Variants in CMTR1 observed in about 807,000 individuals in gnomAD.
The protein encoded by CMTR1 is cap-specific mRNA (nucleoside-2'-O-)-methyltransferase 1.
CMTR1 carries 39 observed loss-of-function variants against 107.0 expected under a neutral mutation model. The ratio of observed to expected loss-of-function variants is 0.36; its 90% CI spans 0.28 to 0.48. The LOEUF (loss-of-function observed/expected upper bound fraction) is 0.48. CMTR1 is among the 20% of genes least tolerant of loss of function. The probability of loss-of-function intolerance (pLI) is 0.99; values close to 1 mark genes in which losing one functional copy is unlikely to be tolerated. For missense variants in CMTR1, 672 were observed against 1,064.9 expected, an observed-to-expected ratio of 0.63 and a Z score of 5.14; for synonymous variants, 366 against 379.5, an observed-to-expected ratio of 0.96 and a Z score of 0.41.
At chr6:37,479,083 C>A in intron 22 of CMTR1, 64 bp from the exon 23 acceptor site, 1 of 1,140,260 alleles carries the variant, frequency 8.8e-7, no homozygotes, top group Non-Finnish European at 1.3e-6. Flanking sequence ...GAGGAAGGTA[C>A]ACGCCTGTCC....
At chr6:37,465,429 TGTG>T (rs1315675824) in intron 13 of CMTR1, among the ~76,000 whole-genome samples, 3 of 152,238 alleles carry the variant, frequency 2.0e-5, no homozygotes, top group South Asian at 4.1e-4. Flanking sequence ...GTTACATCAT[TGTG>T]GTTTCAATAT....
chr6:37,479,084 A>G, intron 22 of CMTR1, 63 bp from the exon 23 acceptor site: 1 of 1,152,382 alleles, frequency 8.7e-7, no homozygotes, highest in Non-Finnish European at 1.3e-6. Flanking sequence ...AGGAAGGTAC[A>G]CGCCTGTCCT....
At chr6:37,456,607 A>G (rs1761300881) in intron 8 of CMTR1, among the ~76,000 whole-genome samples, 1 of 152,186 alleles carries the variant, frequency 6.6e-6, no homozygotes, top group Non-Finnish European at 1.5e-5. Flanking sequence ...ATCGTTATCT[A>G]GCAGCTGCAG....
In CMTR1 at chr6:37,436,056, G is replaced by A. The variant is rs190147898; in HGVS notation, c.133+294G>A. On this transcript the variant is annotated intron_variant, in intron 2 of 23. Coordinates refer to ENST00000373451, the MANE Select transcript of CMTR1 (RefSeq NM_015050.3). ...CCTTAAACCAGTTAGAAGTAGTGGT[G>A]AGCATTGAGTGCTGTGTGCCCTTAA... Among the ~76,000 whole-genome samples the A allele has an allele frequency of 1.2e-3, 181 of 152,348 alleles. 1 individual carries two copies. The highest frequency in any genetic ancestry group is 6.8e-3 in the Middle Eastern group (2 of 294).
intron 2 of CMTR1, among the ~76,000 whole-genome samples, chr6:37,437,009 A>G (rs1771543089): frequency 6.6e-6 from 1 of 152,190 alleles, no homozygotes. Flanking sequence ...AAGCTGGTCC[A>G]GAGAGAAGCT....
rs750364474 is a variant in CMTR1 at position 37,471,878 on chromosome 6, C to T, written c.1594C>T (p.Arg532Trp). ...GAGTGAGCCTCGACAGGCAGAGATA[C>T]GGAAGGAGTGCCTCCGACTCTGGGG... Reference protein sequence around the residue: ...TLSEPRQAEIRKECLRLWGIP... With the variant: ...TLSEPRQAEIWKECLRLWGIP... The change falls in exon 15 of 24, where the codon CGG (arginine) becomes TGG (tryptophan). Residue 532 changes from arginine (R) to tryptophan (W), a missense_variant. This residue lies in a region of CMTR1 where 583 missense variants were observed against 968.4 expected (regional missense o/e 0.60). Transcript: ENST00000373451. 24 of 1,613,638 alleles carry T rather than the reference C, an allele frequency of 1.5e-5. No homozygotes were observed. Among genetic ancestry groups the T allele is most frequent in the Non-Finnish European group, 1.8e-5 (21 of 1,179,958 alleles).
At chr6:37,446,678 G>A (rs1489536662) in intron 4 of CMTR1, among the ~76,000 whole-genome samples, 2 of 152,222 alleles carry the variant, frequency 1.3e-5, no homozygotes, top group African/African-American at 2.4e-5. Context: ...TAAGACCAAC[G>A]GGTAGAAGAT....
At chr6:37,460,856 T>C (rs58997791) in intron 10 of CMTR1, among the ~76,000 whole-genome samples, 1 of 152,220 alleles carries the variant, frequency 6.6e-6, no homozygotes, top group Non-Finnish European at 1.5e-5. Flanking sequence ...CTGTGCCACC[T>C]GATGTCCCCT....
intron 13 of CMTR1, 99 bp downstream of exon 13, chr6:37,463,107 C>A: frequency 7.8e-7 from 1 of 1,289,300 alleles, no homozygotes; most frequent in Non-Finnish European, 1.1e-6. Flanking sequence ...ACTTTGTCAA[C>A]CCTGACAAAT....
intron 2 of CMTR1, among the ~76,000 whole-genome samples, chr6:37,442,706 A>G (rs1225231526): frequency 1.3e-5 from 2 of 152,154 alleles, no homozygotes; most frequent in Non-Finnish European, 2.9e-5. Flanking sequence ...TTGAATGTCA[A>G]CCCTTAGCAG....
intron 1 of CMTR1, among the ~76,000 whole-genome samples, chr6:37,435,026 C>T (rs1771496024): frequency 6.6e-6 from 1 of 152,188 alleles, no homozygotes; most frequent in Non-Finnish European, 1.5e-5. Context: ...TCTTGTGTTT[C>T]CTCGGTCTTA....
rs199950965 is a variant in CMTR1 at position 37,471,919 on chromosome 6, C to T, written c.1620+15C>T. 1,203 of 1,610,770 alleles carry T rather than the reference C, an allele frequency of 7.5e-4. No homozygotes were observed. The highest frequency in any genetic ancestry group is 7.7e-4 in the Non-Finnish European group (904 of 1,178,638). On this transcript the variant is annotated intron_variant, in intron 15 of 23. Transcript: ENST00000373451. ...GACTCTGGGGGGTGAGTATCTCCCC[C>T]GCCCATTGCTGCTTCAGGGCAGGGA...
chr6:37,479,326 T>C (rs1368873325), intron 23 of CMTR1, 71 bp downstream of exon 23: 27 of 1,091,096 alleles, frequency 2.5e-5, no homozygotes, highest in Non-Finnish European at 3.5e-5. Context: ...CAGCCAGCTG[T>C]CTTGGGGGCA....
At chr6:37,448,103 C>T (rs374631054) in intron 4 of CMTR1, among the ~76,000 whole-genome samples, 99 of 144,410 alleles carry the variant, frequency 6.9e-4, no homozygotes, top group East Asian at 2.3e-3. Context: ...CCCAGCTACT[C>T]GGGAGGCTGA....
At chr6:37,460,519 G>T (rs1483330285) in intron 10 of CMTR1, among the ~76,000 whole-genome samples, 4 of 151,244 alleles carry the variant, frequency 2.6e-5, no homozygotes, top group Non-Finnish European at 5.9e-5. Context: ...AGTGTAAAGG[G>T]GTGACCTGGG....
chr6:37,481,037 A>G lies in CMTR1; in HGVS notation c.*892A>G. The G allele has an allele frequency of 7.7e-7, 1 of 1,304,210 alleles. No homozygotes were observed. Among genetic ancestry groups the G allele is most frequent in the East Asian group, 5.5e-5 (1 of 18,032 alleles). 80.8% of individuals were successfully genotyped at this position (1,304,210 alleles called of 1,614,324 possible). On this transcript the variant is annotated 3_prime_UTR_variant, in exon 24 of 24. Coordinates refer to ENST00000373451, the MANE Select transcript of CMTR1 (RefSeq NM_015050.3). ...GCAGTCATGCACCGCTGTCTGCCAT[A>G]GCCGCTCTAGGGTCTTGGCAGAATT... is the stretch of plus-strand genomic sequence containing the variant.
At chr6:37,432,411 A>G (rs992336393), upstream of CMTR1, among the ~76,000 whole-genome samples, 4 of 152,218 alleles carry the variant, frequency 2.6e-5, no homozygotes, top group Admixed American at 6.5e-5. Context: ...TCACAACTGG[A>G]GACAGTCACG....
intron 1 of CMTR1, among the ~76,000 whole-genome samples, chr6:37,434,982 G>T (rs981677112): frequency 6.6e-6 from 1 of 152,094 alleles, no homozygotes; most frequent in African/African-American, 2.4e-5. Context: ...GAGTTCTGTG[G>T]TATAGCTACC....
intron 4 of CMTR1, 21 bp downstream of exon 4, chr6:37,446,470 G>A (rs1346245307): frequency 1.3e-6 from 2 of 1,597,076 alleles, no homozygotes; most frequent in Non-Finnish European, 1.7e-6. Context: ...AAGTGAGGAG[G>A]AGATGGAAAA....
Sources: gnomAD v4.1 joint callset for allele counts (sites outside exome capture counted in the v4.1 genomes callset) on GRCh38, gnomAD v4.1.1 for gene constraint, gnomAD v4.1.1 regional missense constraint, MANE v1.5 for transcripts, NCBI Gene and HGNC (gene_info 2026-07-23, HGNC 2026-07-21) for gene names.